The following LRRC4C variants were observed in gnomAD, a reference collection of about 807,000 sequenced individuals.
LRRC4C encodes the protein leucine-rich repeat-containing protein 4C.
In LRRC4C, 5 loss-of-function variants were observed where a neutral mutation model predicts 33.6. The observed-to-expected ratio is 0.15, with a 90% confidence interval of 0.08 to 0.31. The LOEUF (loss-of-function observed/expected upper bound fraction) is 0.31, where lower values mean the gene tolerates loss of function less well. Ranked by LOEUF, LRRC4C falls within the 10% of genes least tolerant of loss-of-function variation. The pLI, the probability that LRRC4C is intolerant of heterozygous loss-of-function variation, is 1.00. For synonymous variants in LRRC4C, 329 were observed against 302.0 expected (o/e 1.09, Z -0.93); for missense variants, 560 against 796.7 (o/e 0.70, Z 3.58).
chr11:40,634,290 G>T (rs1215844595), intron 3 of LRRC4C, among the ~76,000 whole-genome samples: 1 of 152,048 alleles, frequency 6.6e-6, no homozygotes, highest in Non-Finnish European at 1.5e-5. Context: ...AAGAAGCTTC[G>T]CTTTCCACAG....
intron 1 of LRRC4C, among the ~76,000 whole-genome samples, chr11:41,350,467 G>T (rs1173113017): frequency 7.3e-6 from 1 of 137,752 alleles, no homozygotes; most frequent in Admixed American, 8.4e-5. Context: ...TCAAGATTGC[G>T]CCACTGCACT....
At chr11:41,277,469 A>G (rs1485167258) in intron 1 of LRRC4C, among the ~76,000 whole-genome samples, 1 of 152,178 alleles carries the variant, frequency 6.6e-6, no homozygotes, top group Admixed American at 6.5e-5. Context: ...GTATTTCCAT[A>G]CTGATTGTCA....
intron 3 of LRRC4C, among the ~76,000 whole-genome samples, chr11:40,628,688 A>C (rs187549047): frequency 6.1e-4 from 93 of 152,296 alleles, no homozygotes; most frequent in African/African-American, 2.2e-3. Context: ...TAACACCACG[A>C]AGAAAACAGT....
chr11:40,445,838 T>A (rs1179892636), intron 3 of LRRC4C: 1 of 152,196 alleles, frequency 6.6e-6, no homozygotes, highest in Non-Finnish European at 1.5e-5. Flanking sequence ...ATTCATAAGG[T>A]TTTTCCCCTG....
intron 1 of LRRC4C, among the ~76,000 whole-genome samples, chr11:41,130,270 G>C (rs1942949998): frequency 6.6e-6 from 1 of 151,890 alleles, no homozygotes; most frequent in Non-Finnish European, 1.5e-5. Flanking sequence ...TAGCTTAAAA[G>C]TATCCATTTC....
intron 5 of LRRC4C, among the ~76,000 whole-genome samples, chr11:40,181,133 C>T (rs1860964111): frequency 6.6e-6 from 1 of 152,190 alleles, no homozygotes; most frequent in Non-Finnish European, 1.5e-5. Flanking sequence ...TCATTCCCAT[C>T]ACCACAATTC....
intron 1 of LRRC4C, among the ~76,000 whole-genome samples, chr11:41,274,946 T>G (rs1470180935): frequency 6.6e-6 from 1 of 152,080 alleles, no homozygotes; most frequent in Non-Finnish European, 1.5e-5. Context: ...TGGGCCCTAC[T>G]GGGAGATGTA....
intron 4 of LRRC4C, among the ~76,000 whole-genome samples, chr11:40,242,266 G>A (rs541161266): frequency 6.6e-6 from 1 of 152,258 alleles, no homozygotes; most frequent in African/African-American, 2.4e-5. Flanking sequence ...AAATTCAGCC[G>A]TTGAATGAAG....
At chr11:40,506,561 AAGGAAAT>A (rs1955043749) in intron 3 of LRRC4C, among the ~76,000 whole-genome samples, 1 of 152,178 alleles carries the variant, frequency 6.6e-6, no homozygotes, top group African/African-American at 2.4e-5. Flanking sequence ...AACATGGCCA[AAGGAAAT>A]ATATTTGCTC....
intron 3 of LRRC4C, among the ~76,000 whole-genome samples, chr11:40,421,627 G>T (rs2137747585): frequency 6.6e-6 from 1 of 152,274 alleles, no homozygotes; most frequent in Non-Finnish European, 1.5e-5. Flanking sequence ...TGGCTGATCT[G>T]CCCCACTCAT....
intron 1 of LRRC4C, among the ~76,000 whole-genome samples, chr11:41,335,032 C>T (rs887232097): frequency 7.9e-5 from 12 of 152,152 alleles, no homozygotes; most frequent in Non-Finnish European, 1.6e-4. Flanking sequence ...GTCTTCAATA[C>T]TATACTCCAC....
chr11:40,786,316 G>C (rs908578124), intron 2 of LRRC4C, among the ~76,000 whole-genome samples: 3 of 152,184 alleles, frequency 2.0e-5, no homozygotes, highest in African/African-American at 7.2e-5. Flanking sequence ...TAGTGAATAT[G>C]ACTTGAGCAG....
intron 3 of LRRC4C, among the ~76,000 whole-genome samples, chr11:40,491,086 C>G (rs1410805333): frequency 6.6e-6 from 1 of 152,086 alleles, no homozygotes; most frequent in Admixed American, 6.6e-5. Flanking sequence ...GAGTAGAGAC[C>G]AGCCTGATCA....
intron 4 of LRRC4C, among the ~76,000 whole-genome samples, chr11:40,300,916 G>A (rs956266392): frequency 2.0e-5 from 3 of 152,154 alleles, no homozygotes; most frequent in South Asian, 2.1e-4. Flanking sequence ...ATTCTCTCAC[G>A]TCAGTCTCCA....
intron 3 of LRRC4C, among the ~76,000 whole-genome samples, chr11:40,323,846 T>C (rs1052847497): frequency 6.6e-5 from 10 of 152,128 alleles, no homozygotes; most frequent in Admixed American, 5.9e-4. Context: ...ATAAAACAAT[T>C]TATGAATTAG....
At chr11:40,278,878 C>A (rs1943290486) in intron 4 of LRRC4C, among the ~76,000 whole-genome samples, 1 of 152,176 alleles carries the variant, frequency 6.6e-6, no homozygotes, top group Non-Finnish European at 1.5e-5. Flanking sequence ...ACCCTCTACT[C>A]CCTTACCTTA....
intron 1 of LRRC4C, among the ~76,000 whole-genome samples, chr11:41,443,437 A>G (rs1214453138): frequency 1.3e-5 from 2 of 152,078 alleles, no homozygotes; most frequent in African/African-American, 2.4e-5. Flanking sequence ...TGAGCCTGGG[A>G]AGTTGTGGCT....
At chr11:41,451,850 A>G (rs774782515) in intron 1 of LRRC4C, among the ~76,000 whole-genome samples, 2 of 152,112 alleles carry the variant, frequency 1.3e-5, no homozygotes, top group Non-Finnish European at 2.9e-5. Flanking sequence ...ACATATAAAC[A>G]TGGCTTTCCT....
intron 1 of LRRC4C, among the ~76,000 whole-genome samples, chr11:41,027,858 A>G (rs940581750): frequency 6.6e-6 from 1 of 151,702 alleles, no homozygotes; most frequent in Admixed American, 6.6e-5. Context: ...TGAATTATTT[A>G]GTTTTTCTTC....
Sources: gnomAD v4.1 joint callset for allele counts (sites outside exome capture counted in the v4.1 genomes callset) on GRCh38, gnomAD v4.1.1 for gene constraint, MANE v1.5 for transcripts, NCBI Gene and HGNC (gene_info 2026-07-23, HGNC 2026-07-21) for gene names.